Variants in KLHL14 observed in about 807,000 individuals in gnomAD.
KLHL14 encodes kelch like family member 14.
In KLHL14, 22 loss-of-function variants were observed where a neutral mutation model predicts 64.3. The ratio of observed to expected loss-of-function variants is 0.34; its 90% CI spans 0.24 to 0.49. The LOEUF (loss-of-function observed/expected upper bound fraction) is 0.49. Ranked by LOEUF, KLHL14 falls within the 20% of genes least tolerant of loss-of-function variation. KLHL14 has a pLI of 0.99. For missense variants in KLHL14, 661 were observed against 789.0 expected (o/e 0.84, Z 1.94); for synonymous variants, 322 against 333.4 (o/e 0.97, Z 0.37).
At chr18:32,702,548 C>A (rs1951931439) in intron 3 of KLHL14, among the ~76,000 whole-genome samples, 1 of 150,734 alleles carries the variant, frequency 6.6e-6, no homozygotes, top group African/African-American at 2.4e-5. Flanking sequence ...TTAGGAAGGG[C>A]TTGATAGATA....
At position 32,770,094 on chromosome 18, in the gene KLHL14, G is replaced by A. The variant is rs759372472; in HGVS notation, c.498C>T (p.Ile166=). 6.2e-7 allele frequency: 1 copy of A among 1,614,164 alleles called. No homozygotes were observed. Among genetic ancestry groups the A allele is most frequent in the Non-Finnish European group, 8.5e-7 (1 of 1,180,022 alleles). The change falls in exon 2 of 9, where the codon ATC becomes ATT. Residue 166 remains isoleucine (I), a synonymous_variant. Transcript: ENST00000359358. This position sits in a 1 kb window ranked among gnomAD's most constrained non-coding sequence, Gnocchi z 6.7. ...GCACGCAGAGCTTGGTGACCTGGGG[G>A]ATGTGCAGGATCTTGCTGACCGACA... is the stretch of plus-strand genomic sequence containing the variant. ...EVLSVSKILH[I]PQVTKLCVQF... is the part of the protein sequence containing the mutation.
intron 1 of KLHL14, chr18:32,772,128 G>A (rs1458702462): frequency 5.2e-5 from 13 of 251,998 alleles, no homozygotes; most frequent in Non-Finnish European, 9.3e-5. Context: ...CCGCCCGCCC[G>A]GGGGAGAGCC....
At chr18:32,679,758 T>C (rs2049829103) in intron 7 of KLHL14, among the ~76,000 whole-genome samples, 1 of 152,142 alleles carries the variant, frequency 6.6e-6, no homozygotes, top group Non-Finnish European at 1.5e-5. Flanking sequence ...AAATCACATA[T>C]TAGCTTTGTG....
At chr18:32,712,206 C>T (rs1187567881) in intron 3 of KLHL14, among the ~76,000 whole-genome samples, 1 of 152,074 alleles carries the variant, frequency 6.6e-6, no homozygotes, top group East Asian at 1.9e-4. Flanking sequence ...CTTGCCCTTA[C>T]AGAAAAAGTT....
In KLHL14 at chr18:32,757,617, T is replaced by C. The variant is rs113415738; in HGVS notation, c.947+12028A>G. Among the ~76,000 whole-genome samples, 455 of 152,262 alleles carry C rather than the reference T, an allele frequency of 3.0e-3. 1 individual carries two copies. Among genetic ancestry groups the C allele is most frequent in the African/African-American group, 0.01 (416 of 41,554 alleles). ...ACCTTATTTCCTAAAATAATTATTG[T>C]ATTAACATTGCTTGAAAAAAATATT... On this transcript the variant is annotated intron_variant, in intron 2 of 8. Transcript: ENST00000359358.
At chr18:32,763,339 T>C (rs1014841013) in intron 2 of KLHL14, among the ~76,000 whole-genome samples, 1 of 152,140 alleles carries the variant, frequency 6.6e-6, no homozygotes, top group African/African-American at 2.4e-5. Context: ...TTGAGTGGCC[T>C]GAAGAAGAGT....
At chr18:32,762,032 G>T (rs775396102) in intron 2 of KLHL14, among the ~76,000 whole-genome samples, 1 of 151,826 alleles carries the variant, frequency 6.6e-6, no homozygotes, top group Non-Finnish European at 1.5e-5. Flanking sequence ...TCACAGAATG[G>T]GTTGTCCCCT....
At chr18:32,681,844 T>C (rs2049840570) in intron 5 of KLHL14, among the ~76,000 whole-genome samples, 1 of 152,164 alleles carries the variant, frequency 6.6e-6, no homozygotes, top group South Asian at 2.1e-4. Flanking sequence ...TATAGCACGG[T>C]GATTAACGAT....
chr18:32,676,343 G>A (rs2049811228), intron 8 of KLHL14, among the ~76,000 whole-genome samples: 1 of 152,070 alleles, frequency 6.6e-6, no homozygotes, highest in African/African-American at 2.4e-5. Flanking sequence ...AAAAGAGTCA[G>A]GGTAATGTTC....
chr18:32,718,143 T>G (rs755478933), intron 3 of KLHL14, among the ~76,000 whole-genome samples: 3 of 152,228 alleles, frequency 2.0e-5, no homozygotes, highest in African/African-American at 4.8e-5. Flanking sequence ...TTCCAATTCA[T>G]CTTAAATTAG....
intron 2 of KLHL14, among the ~76,000 whole-genome samples, chr18:32,764,937 A>G (rs965889905): frequency 3.3e-5 from 5 of 152,114 alleles, no homozygotes; most frequent in African/African-American, 9.7e-5. Context: ...GTTTCTTTTT[A>G]AAAGAAAAGT....
chr18:32,693,668 G>A (rs2049923117), intron 4 of KLHL14, among the ~76,000 whole-genome samples: 1 of 152,088 alleles, frequency 6.6e-6, no homozygotes, highest in South Asian at 2.1e-4. Context: ...GCCCATGAGT[G>A]GCCATGGTGA....
rs1465489707 is a variant in KLHL14, at chr18:32,673,863, C to T, written c.*794G>A. On this transcript the variant is annotated 3_prime_UTR_variant, in exon 9 of 9. Coordinates refer to ENST00000359358, the MANE Select transcript of KLHL14 (RefSeq NM_020805.3). ...CAATCCTGTCTTTTGAAGTAAATAA[C>T]ATGTGTGTTCACTACTTATATATCA... 1.3e-5 allele frequency: 2 copies of T among 152,082 alleles called. No individual in the cohort carries two copies. Among genetic ancestry groups the T allele is most frequent in the African/African-American group, 4.8e-5 (2 of 41,414 alleles). 9.4% of individuals were successfully genotyped at this position (152,082 alleles called of 1,614,324 possible).
chr18:32,687,253 A>C lies in KLHL14; in HGVS notation c.1160-20T>G, dbSNP rs752895116. 1 of 1,581,532 alleles carries C rather than the reference A, an allele frequency of 6.3e-7. No homozygotes were observed. Among genetic ancestry groups the C allele is most frequent in the East Asian group, 2.2e-5 (1 of 44,676 alleles). On this transcript the variant is annotated intron_variant, in intron 4 of 8. Transcript: ENST00000359358. ...GTTTTCCTGTAAAAATGCATTCGAG[A>C]CATTTAAAACTTAGATTCTTTTGTT...
At chr18:32,678,676 C>T (rs59997284) in intron 7 of KLHL14, among the ~76,000 whole-genome samples, 6,843 of 152,224 alleles carry the variant, frequency 0.045, 237 homozygotes, top group African/African-American at 0.096. Flanking sequence ...ACCATCAAGG[C>T]AAGGATAATT....
At chr18:32,728,496 G>C (rs1186834845) in intron 3 of KLHL14, among the ~76,000 whole-genome samples, 1 of 152,128 alleles carries the variant, frequency 6.6e-6, no homozygotes, top group Non-Finnish European at 1.5e-5. Context: ...CATTCTCTAG[G>C]TGTAATGAGT....
chr18:32,756,167 A>G (rs573206213), intron 2 of KLHL14, among the ~76,000 whole-genome samples: 30 of 152,324 alleles, frequency 2.0e-4, no homozygotes, highest in African/African-American at 6.7e-4. Flanking sequence ...CCCTGATCCA[A>G]TATGACTGAT....
Position 32,680,199 on chromosome 18 carries a change from A to G in KLHL14, c.1558T>C (p.Leu520=), listed in dbSNP as rs778129824. 7.4e-6 allele frequency: 12 copies of G among 1,613,684 alleles called. No homozygotes were observed. The highest frequency in any genetic ancestry group is 1.1e-5 in the South Asian group (1 of 91,082). ...IHTLAVMNDR[L]YAIGGNHLKG... ...AAATGATTTCCTCCAATTGCATACA[A>G]GCGATCATTCATTACAGCCAAAGTG... Residue 520 remains leucine (L), a synonymous_variant, in exon 7 of 9, where the codon TTG becomes CTG. Transcript: ENST00000359358. This position sits in a 1 kb window ranked among gnomAD's most constrained non-coding sequence, Gnocchi z 4.8.
intron 2 of KLHL14, among the ~76,000 whole-genome samples, chr18:32,768,293 G>T (rs908414170): frequency 2.0e-5 from 3 of 151,910 alleles, no homozygotes; most frequent in African/African-American, 7.3e-5. Flanking sequence ...CATGCCTCCT[G>T]TTGGCCTCTC....
Sources: allele counts gnomAD v4.1 joint callset (sites outside exome capture counted in the v4.1 genomes callset), GRCh38; gene constraint gnomAD v4.1.1; non-coding constraint Gnocchi (gnomAD v3.1); transcripts MANE v1.5; gene names NCBI Gene and HGNC (gene_info 2026-07-23, HGNC 2026-07-21).